SHANK2: variants seen among roughly 807,000 people sequenced by gnomAD.
SHANK2 encodes SH3 and multiple ankyrin repeat domains 2, also known as SH3 and multiple ankyrin repeat domains protein 2.
SHANK2 carries 43 observed loss-of-function variants against 133.7 expected under a neutral mutation model. The observed-to-expected ratio is 0.32, with a 90% CI of 0.25 to 0.41. The LOEUF (loss-of-function observed/expected upper bound fraction) is 0.41. Among genes scored for constraint, SHANK2 ranks in the 10% least tolerant of loss-of-function variants. The pLI is 1.00. For synonymous variants in SHANK2, 1,017 were observed against 952.8 expected (o/e 1.07, Z -1.24); for missense variants, 1,994 against 2,235.8 (o/e 0.89, Z 2.18).
At chr11:70,788,128 G>A (rs1305822743) in intron 14 of SHANK2, among the ~76,000 whole-genome samples, 2 of 152,210 alleles carry the variant, frequency 1.3e-5, no homozygotes, top group Non-Finnish European at 2.9e-5. Flanking sequence ...AGAGCAGGTG[G>A]ATCCCAGAAG....
At chr11:70,902,156 C>T (rs1025565911) in intron 10 of SHANK2, among the ~76,000 whole-genome samples, 2 of 152,232 alleles carry the variant, frequency 1.3e-5, no homozygotes, top group African/African-American at 4.8e-5. Context: ...GAGCAGCAGG[C>T]GGCCACCCGG....
intron 14 of SHANK2, among the ~76,000 whole-genome samples, chr11:70,720,278 C>A (rs760163533): frequency 7.9e-5 from 12 of 152,210 alleles, no homozygotes; most frequent in Non-Finnish European, 1.6e-4. Context: ...GGGGTCATCA[C>A]CTCGTCTAAC....
chr11:71,121,291 A>G (rs542962856), intron 3 of SHANK2, among the ~76,000 whole-genome samples: 1 of 152,336 alleles, frequency 6.6e-6, no homozygotes, highest in South Asian at 2.1e-4. Context: ...TTATGGGCTG[A>G]ACTGTGCCCC....
At chr11:71,060,621 T>C (rs1950976255) in intron 9 of SHANK2, among the ~76,000 whole-genome samples, 1 of 152,220 alleles carries the variant, frequency 6.6e-6, no homozygotes, top group Non-Finnish European at 1.5e-5. Context: ...GGACCATGCA[T>C]GTCAGCAGGG....
chr11:70,663,326 G>A (rs1208602416), intron 15 of SHANK2, among the ~76,000 whole-genome samples: 4 of 152,170 alleles, frequency 2.6e-5, no homozygotes, highest in African/African-American at 9.7e-5. Flanking sequence ...CCCGGATTGG[G>A]GGGCCCTGGG....
intron 2 of SHANK2, among the ~76,000 whole-genome samples, chr11:71,189,844 C>T (rs1193816593): frequency 3.3e-5 from 5 of 152,236 alleles, no homozygotes; most frequent in African/African-American, 4.8e-5. Context: ...CGGGAAAGGC[C>T]GCAGCTGAGG....
chr11:70,722,329 C>G (rs551623827), intron 14 of SHANK2, among the ~76,000 whole-genome samples: 162 of 152,360 alleles, frequency 1.1e-3, no homozygotes, highest in African/African-American at 3.8e-3. Flanking sequence ...TCCTCACGCT[C>G]TCAGCAATAC....
At position 70,691,977 on chromosome 11, in the gene SHANK2, A is replaced by C. The variant is rs539451730; in HGVS notation, c.1853+6711T>G. Among the ~76,000 whole-genome samples, 375 of 152,318 alleles carry C rather than the reference A, an allele frequency of 2.5e-3. 1 individual carries two copies. Among genetic ancestry groups the C allele is most frequent in the Middle Eastern group, 0.01 (3 of 294 alleles). On this transcript the variant is annotated intron_variant, in intron 15 of 25. Transcript: ENST00000601538. Reference sequence around the variant, plus strand: ...GTGAAATAATCTCTTGCCCTGCCCCAAACTATGCCTCAAAGAAGCCGCCAT... The same window carrying C: ...GTGAAATAATCTCTTGCCCTGCCCCCAACTATGCCTCAAAGAAGCCGCCAT...
intron 10 of SHANK2, among the ~76,000 whole-genome samples, chr11:70,932,156 C>CA (rs1172866211): frequency 6.6e-6 from 1 of 152,176 alleles, no homozygotes; most frequent in Admixed American, 6.5e-5. Context: ...TGGTTCTGGA[C>CA]AAAAGTGTTG....
intron 17 of SHANK2, among the ~76,000 whole-genome samples, chr11:70,537,981 A>C (rs1404021493): frequency 1.3e-5 from 2 of 152,242 alleles, no homozygotes; most frequent in African/African-American, 4.8e-5. Flanking sequence ...GAGAGACCCC[A>C]TGAGTGTCAC....
intron 11 of SHANK2, among the ~76,000 whole-genome samples, chr11:70,888,397 T>C (rs782559114): frequency 5.9e-5 from 9 of 152,136 alleles, no homozygotes; most frequent in Admixed American, 2.6e-4. Context: ...ACTCTGAAAA[T>C]GTTCGAGTCA....
chr11:70,549,197 C>T (rs12574624), intron 17 of SHANK2, among the ~76,000 whole-genome samples: 1 of 152,202 alleles, frequency 6.6e-6, no homozygotes, highest in African/African-American at 2.4e-5. Context: ...AGACCATGGT[C>T]CGACTTACGT....
At chr11:70,600,673 C>A (rs181093492) in intron 17 of SHANK2, among the ~76,000 whole-genome samples, 1 of 151,990 alleles carries the variant, frequency 6.6e-6, no homozygotes. Context: ...GCCTCCAGCA[C>A]GGAAGATCTT....
intron 3 of SHANK2, among the ~76,000 whole-genome samples, chr11:71,138,065 G>A (rs536255777): frequency 2.0e-5 from 3 of 147,048 alleles, no homozygotes; most frequent in African/African-American, 7.5e-5. Flanking sequence ...TCTCACAATG[G>A]GTGGGCGCAC....
intron 14 of SHANK2, among the ~76,000 whole-genome samples, chr11:70,701,674 G>C (rs1318732605): frequency 2.0e-5 from 3 of 152,100 alleles, no homozygotes; most frequent in African/African-American, 7.2e-5. Flanking sequence ...AAAGTGCTGG[G>C]ATTACAGGTG....
At position 70,856,016 on chromosome 11, in the gene SHANK2, T is replaced by C. The variant is rs191616146; in HGVS notation, c.1175-35334A>G. On this transcript the variant is annotated intron_variant, in intron 11 of 25. Coordinates refer to ENST00000601538, the MANE Select transcript of SHANK2 (RefSeq NM_012309.5). ...ATAGATGGATGGATGGAAAGACAGA[T>C]GAATAAATTGATGGATGGATGGATA... Among the ~76,000 whole-genome samples the C allele has an allele frequency of 1.2e-4, 18 of 151,840 alleles. No individual in the cohort carries two copies. In the East Asian group the frequency reaches 2.5e-3, roughly 21 times the overall value.
intron 17 of SHANK2, among the ~76,000 whole-genome samples, chr11:70,614,425 C>T (rs1301349417): frequency 6.6e-6 from 1 of 151,974 alleles, no homozygotes; most frequent in Non-Finnish European, 1.5e-5. Context: ...GATTCTCCTG[C>T]CTCAGCCTCC....
intron 17 of SHANK2, among the ~76,000 whole-genome samples, chr11:70,623,625 T>C (rs1229742423): frequency 2.0e-5 from 3 of 152,256 alleles, no homozygotes; most frequent in Admixed American, 6.5e-5. Flanking sequence ...GTGGTTTTCA[T>C]CAAATGGGAG....
At chr11:70,707,110 AC>A (rs1555025090) in intron 14 of SHANK2, among the ~76,000 whole-genome samples, 1 of 152,060 alleles carries the variant, frequency 6.6e-6, no homozygotes, top group African/African-American at 2.4e-5. Flanking sequence ...GGTGGCTCAC[AC>A]CTGTAATCCT....
Sources: gnomAD v4.1 joint callset for allele counts (sites outside exome capture counted in the v4.1 genomes callset) on GRCh38, gnomAD v4.1.1 for gene constraint, MANE v1.5 for transcripts, NCBI Gene and HGNC (gene_info 2026-07-23, HGNC 2026-07-21) for gene names.